Variants in WDFY4 observed in about 807,000 individuals in gnomAD.
The protein encoded by WDFY4 is WD repeat- and FYVE domain-containing protein 4.
WDFY4 carries 169 observed loss-of-function variants against 351.9 expected under a neutral mutation model. That is an observed-to-expected ratio of 0.48 (90% confidence interval 0.42 to 0.55). WDFY4 has a LOEUF of 0.55. WDFY4 is among the 20% of genes least tolerant of loss of function. The pLI is 0.00. For missense variants in WDFY4, 3,803 were observed against 3,935.6 expected, an observed-to-expected ratio of 0.97 and a Z score of 0.90; for synonymous variants, 1,622 against 1,574.6, an observed-to-expected ratio of 1.03 and a Z score of -0.71.
chr10:48,942,049 CTG>C lies in WDFY4; in HGVS notation c.7629+203_7629+204del, dbSNP rs1175398943. ...GCATGATCTCAGCTCACGGCAACCT[CTG>C]TCTCTTGGGTTCAAGCGATTCTCCT... is the stretch of plus-strand genomic sequence containing the variant. On this transcript the variant is annotated intron_variant, in intron 48 of 61. Coordinates refer to ENST00000325239, the MANE Select transcript of WDFY4 (RefSeq NM_001394531.1). Among the ~76,000 whole-genome samples the C allele has an allele frequency of 6.6e-5, 10 of 152,306 alleles. No individual in the cohort carries two copies. In the South Asian group the frequency reaches 1.9e-3, roughly 28 times the overall value.
intron 53 of WDFY4, among the ~76,000 whole-genome samples, chr10:48,963,194 A>G (rs768537976): frequency 1.3e-5 from 2 of 152,186 alleles, no homozygotes; most frequent in African/African-American, 2.4e-5. Flanking sequence ...GGAGGAAACA[A>G]CACCTGTGAA....
At chr10:48,982,346 T>A (rs1351663173) in intron 61 of WDFY4, among the ~76,000 whole-genome samples, 163 bp from the exon 62 acceptor site, 1 of 151,912 alleles carries the variant, frequency 6.6e-6, no homozygotes, top group African/African-American at 2.4e-5. Flanking sequence ...GGTGGAAACC[T>A]TCTCCATTCC....
intron 39 of WDFY4, among the ~76,000 whole-genome samples, chr10:48,858,551 A>G (rs1018355617): frequency 6.6e-6 from 1 of 152,184 alleles, no homozygotes; most frequent in Non-Finnish European, 1.5e-5. Flanking sequence ...CTTCTGTTCC[A>G]CTGATCTATA....
intron 13 of WDFY4, among the ~76,000 whole-genome samples, chr10:48,764,231 G>A (rs1211181850): frequency 6.6e-6 from 1 of 152,174 alleles, no homozygotes; most frequent in African/African-American, 2.4e-5. Flanking sequence ...TCCAGTGATG[G>A]CCACGTTACA....
intron 39 of WDFY4, among the ~76,000 whole-genome samples, chr10:48,835,741 T>C (rs931622476): frequency 9.9e-5 from 15 of 152,256 alleles, no homozygotes; most frequent in African/African-American, 3.6e-4. Context: ...ACCCTCTCCC[T>C]GGCTTCATTC....
At chr10:48,926,404 AC>A (rs1839573378) in intron 47 of WDFY4, among the ~76,000 whole-genome samples, 1 of 152,054 alleles carries the variant, frequency 6.6e-6, no homozygotes, top group African/African-American at 2.4e-5. Flanking sequence ...CTGCAATGTC[AC>A]CCCCTAGAGA....
Position 48,830,774 on chromosome 10 carries a change from G to T in WDFY4, c.6415G>T (p.Asp2139Tyr), listed in dbSNP as rs377750369. ...LVAQRQQTLE[D>Y]AFKIDLSVKP... ...GGCACAAAGGCAGCAGACCCTGGAG[G>T]ATGCCTTCAAGATCGATCTCTCTGT... The change falls in exon 38 of 62, where the codon GAT (aspartate) becomes TAT (tyrosine). Residue 2139 changes from aspartate to tyrosine, a missense_variant. Asp to Tyr is a radical substitution (Grantham distance 160). This residue lies in a region of WDFY4 where 3,054 missense variants were observed against 3,148.6 expected (regional missense o/e 0.97). Coordinates refer to ENST00000325239, the MANE Select transcript of WDFY4 (RefSeq NM_001394531.1). 2 of 1,551,552 alleles carry T rather than the reference G, an allele frequency of 1.3e-6. No homozygotes were observed. Among genetic ancestry groups the T allele is most frequent in the African/African-American group, 2.7e-5 (2 of 73,026 alleles).
intron 35 of WDFY4, among the ~76,000 whole-genome samples, chr10:48,825,302 A>G (rs2067957081): frequency 6.6e-6 from 1 of 152,166 alleles, no homozygotes; most frequent in East Asian, 1.9e-4. Context: ...ATTCCTTTTT[A>G]TGGCTCATAG....
chr10:48,835,126 G>T (rs571193506), intron 39 of WDFY4, among the ~76,000 whole-genome samples: 1 of 152,202 alleles, frequency 6.6e-6, no homozygotes, highest in African/African-American at 2.4e-5. Flanking sequence ...TCAGCATTGA[G>T]GTTACAGCAG....
At chr10:48,803,619 G>A (rs1457332707) in intron 25 of WDFY4, among the ~76,000 whole-genome samples, 1 of 152,164 alleles carries the variant, frequency 6.6e-6, no homozygotes, top group African/African-American at 2.4e-5. Flanking sequence ...ATTGTGACCA[G>A]CAAAGGTCCA....
intron 46 of WDFY4, among the ~76,000 whole-genome samples, chr10:48,900,789 G>T (rs1254981926): frequency 6.6e-6 from 1 of 152,182 alleles, no homozygotes; most frequent in East Asian, 1.9e-4. Context: ...TTTTTCTCCA[G>T]ATGGATCAGT....
chr10:48,916,247 T>C (rs1457243538), intron 47 of WDFY4, among the ~76,000 whole-genome samples: 1 of 152,146 alleles, frequency 6.6e-6, no homozygotes, highest in Non-Finnish European at 1.5e-5. Flanking sequence ...CACAAAACTT[T>C]GCACCAGATG....
intron 24 of WDFY4, among the ~76,000 whole-genome samples, chr10:48,800,850 A>G (rs2067064559): frequency 6.6e-6 from 1 of 150,866 alleles, no homozygotes; most frequent in African/African-American, 2.4e-5. Context: ...CTCCTGCCTC[A>G]GCCTCCCAAG....
In WDFY4 at chr10:48,830,641, G is replaced by C. The variant is rs2068157730; in HGVS notation, c.6341-59G>C. On this transcript the variant is annotated intron_variant, in intron 37 of 61. Coordinates refer to ENST00000325239, the MANE Select transcript of WDFY4 (RefSeq NM_001394531.1). ...ACCACTCATGATGCACCATCTCCCAGCCCTCTCTGGGAGGGTCACTGAGGC... is the reference window on the plus strand; with the variant it reads ...ACCACTCATGATGCACCATCTCCCACCCCTCTCTGGGAGGGTCACTGAGGC... The C allele has an allele frequency of 2.0e-6, 3 of 1,515,356 alleles. No homozygotes were observed. In the South Asian group the frequency reaches 3.7e-5, roughly 19 times the overall value. 93.9% of individuals were successfully genotyped at this position (1,515,356 alleles called of 1,614,324 possible). A position where few individuals can be genotyped will look rare whatever the true frequency, so the allele number is the denominator to read the frequency against.
intron 14 of WDFY4, 68 bp from the exon 15 acceptor site, chr10:48,775,644 G>T: frequency 7.0e-7 from 1 of 1,437,828 alleles, no homozygotes; most frequent in South Asian, 1.2e-5. Context: ...ACAGTTGTCA[G>T]GATAAAGTTG....
intron 27 of WDFY4, among the ~76,000 whole-genome samples, chr10:48,807,301 C>A (rs1377495052): frequency 6.6e-6 from 1 of 152,234 alleles, no homozygotes. Context: ...ACCTAACCAA[C>A]ATATTAAAGC....
chr10:48,804,437 G>C (rs1274321203), intron 25 of WDFY4, among the ~76,000 whole-genome samples: 1 of 152,056 alleles, frequency 6.6e-6, no homozygotes, highest in African/African-American at 2.4e-5. Flanking sequence ...CGGGACTTCT[G>C]GGTAGAGGAG....
chr10:48,698,196 G>C (rs1474901379), intron 1 of WDFY4, among the ~76,000 whole-genome samples: 1 of 152,212 alleles, frequency 6.6e-6, no homozygotes, highest in African/African-American at 2.4e-5. Flanking sequence ...CATGGCATGA[G>C]GAGCAGGAGC....
intron 45 of WDFY4, among the ~76,000 whole-genome samples, chr10:48,897,783 G>C (rs563879834): frequency 4.7e-4 from 72 of 152,398 alleles, no homozygotes; most frequent in Non-Finnish European, 8.2e-4. Flanking sequence ...CCACTCTGCA[G>C]TCCTTGCCGT....
Sources: gnomAD v4.1 joint callset for allele counts (sites outside exome capture counted in the v4.1 genomes callset) on GRCh38, gnomAD v4.1.1 for gene constraint, gnomAD v4.1.1 regional missense constraint, MANE v1.5 for transcripts, NCBI Gene and HGNC (gene_info 2026-07-23, HGNC 2026-07-21) for gene names.